Variants in KCNJ6 observed in about 807,000 individuals in gnomAD.
KCNJ6 encodes the protein potassium inwardly rectifying channel subfamily J member 6, also known as G protein-activated inward rectifier potassium channel 2.
A neutral mutation model predicts 34.2 loss-of-function variants in KCNJ6; 9 were observed. The observed-to-expected ratio is 0.26, with a 90% CI of 0.16 to 0.46. KCNJ6 has a LOEUF of 0.46. KCNJ6 is among the 20% of genes least tolerant of loss of function. The pLI is 1.00. For missense variants in KCNJ6, 236 were observed against 531.3 expected (o/e 0.44, Z 5.46); for synonymous variants, 196 against 207.1 (o/e 0.95, Z 0.46).
At chr21:37,860,095 G>A (rs1286041115) in intron 1 of KCNJ6, among the ~76,000 whole-genome samples, 1 of 152,112 alleles carries the variant, frequency 6.6e-6, no homozygotes, top group African/African-American at 2.4e-5. Context: ...CGGTGCAATG[G>A]CTATTTCCAT....
rs73408716 is a variant in KCNJ6, at chr21:37,733,807, G to C, written c.26-18676C>G. On this transcript the variant is annotated intron_variant, in intron 2 of 3. Coordinates refer to ENST00000609713, the MANE Select transcript of KCNJ6 (RefSeq NM_002240.5). The stretch of plus-strand genomic sequence containing the variant: ...ATGGTCACATACACGACTGTGTTTT[G>C]TGAGTGTTGCATTTCCCCAGGTTTC... 9.3e-3 allele frequency among the ~76,000 whole-genome samples: 1,417 copies of C among 152,294 alleles called. 15 individuals are homozygous for C. The highest frequency in any genetic ancestry group is 0.032 in the African/African-American group (1,340 of 41,550).
At chr21:37,647,291 C>T (rs1245559960) in intron 3 of KCNJ6, among the ~76,000 whole-genome samples, 1 of 151,952 alleles carries the variant, frequency 6.6e-6, no homozygotes, top group African/African-American at 2.4e-5. Flanking sequence ...CTAAGAGTGT[C>T]CTATTAGACA....
chr21:37,792,060 T>C (rs1163350458), intron 2 of KCNJ6, among the ~76,000 whole-genome samples: 1 of 152,232 alleles, frequency 6.6e-6, no homozygotes, highest in African/African-American at 2.4e-5. Flanking sequence ...AGCGGTCCAG[T>C]TGTAATGTGG....
At position 37,916,043 on chromosome 21, in the gene KCNJ6, A is replaced by C. The variant is rs2055892134; in HGVS notation, c.-187T>G. The C allele has an allele frequency of 1.3e-5, 2 of 152,356 alleles. No individual in the cohort carries two copies. The highest frequency in any genetic ancestry group is 4.8e-5 in the African/African-American group (2 of 41,456). The allele number at this position is 152,356 out of a possible 1,614,324, so 9.4% of individuals were successfully genotyped here. A position where few individuals can be genotyped will look rare whatever the true frequency, so the allele number is the denominator to read the frequency against. ...TCAGATGGTCAAATTTCACATCAGC[A>C]CCGAGAGGCTGTTAGGAGACTCCAT... is the stretch of plus-strand genomic sequence containing the variant. On this transcript the variant is annotated 5_prime_UTR_variant, in exon 1 of 4. Transcript: ENST00000609713.
chr21:37,774,683 C>G (rs2055133754), intron 2 of KCNJ6, among the ~76,000 whole-genome samples: 1 of 152,174 alleles, frequency 6.6e-6, no homozygotes, highest in South Asian at 2.1e-4. Context: ...ATGAACTCAT[C>G]ATGTGTTATG....
chr21:37,795,054 C>G (rs940608088), intron 2 of KCNJ6, among the ~76,000 whole-genome samples: 3 of 152,042 alleles, frequency 2.0e-5, no homozygotes, highest in Non-Finnish European at 2.9e-5. Flanking sequence ...AGTAGGTAAC[C>G]AAAAACTTAA....
intron 2 of KCNJ6, among the ~76,000 whole-genome samples, chr21:37,792,066 T>G (rs2055219419): frequency 6.6e-6 from 1 of 152,242 alleles, no homozygotes; most frequent in Non-Finnish European, 1.5e-5. Context: ...CCAGTTGTAA[T>G]GTGGTCTATT....
At chr21:37,646,473 C>A (rs1039392368) in intron 3 of KCNJ6, among the ~76,000 whole-genome samples, 2 of 152,070 alleles carry the variant, frequency 1.3e-5, no homozygotes, top group Non-Finnish European at 2.9e-5. Context: ...TAAAGACGAG[C>A]GGGAGCTGAG....
chr21:37,839,669 T>G (rs2055469120), intron 2 of KCNJ6, among the ~76,000 whole-genome samples: 2 of 152,198 alleles, frequency 1.3e-5, no homozygotes, highest in Non-Finnish European at 2.9e-5. Context: ...CAGGAGAAAT[T>G]TCCATTTTTC....
chr21:37,796,834 C>T (rs1300222386), intron 2 of KCNJ6, among the ~76,000 whole-genome samples: 5 of 132,986 alleles, frequency 3.8e-5, no homozygotes, highest in East Asian at 2.2e-4. Context: ...TCGCCCAGGC[C>T]GGACTGCGGA....
chr21:37,644,299 A>C (rs948233063), intron 3 of KCNJ6, among the ~76,000 whole-genome samples: 1 of 152,154 alleles, frequency 6.6e-6, no homozygotes, highest in Non-Finnish European at 1.5e-5. Context: ...TGGCTAATAA[A>C]ATAAGCTGTA....
intron 1 of KCNJ6, among the ~76,000 whole-genome samples, chr21:37,883,845 A>C (rs2055721901): frequency 6.6e-6 from 1 of 152,146 alleles, no homozygotes; most frequent in African/African-American, 2.4e-5. Context: ...GGTAGGTATA[A>C]ACCTTTAATG....
chr21:37,637,094 T>G (rs1271031451), intron 3 of KCNJ6, among the ~76,000 whole-genome samples: 1 of 152,240 alleles, frequency 6.6e-6, no homozygotes, highest in African/African-American at 2.4e-5. Flanking sequence ...GCTGAATCAG[T>G]GCAGTAATAA....
chr21:37,752,243 A>T (rs2054999648), intron 2 of KCNJ6, among the ~76,000 whole-genome samples: 1 of 152,180 alleles, frequency 6.6e-6, no homozygotes, highest in South Asian at 2.1e-4. Flanking sequence ...TTCCAGGATC[A>T]GTTGCCTTGA....
At chr21:37,827,040 CA>C (rs1177127941) in intron 2 of KCNJ6, among the ~76,000 whole-genome samples, 1 of 152,160 alleles carries the variant, frequency 6.6e-6, no homozygotes, top group Admixed American at 6.5e-5. Context: ...AGAGTCAGGG[CA>C]CAGTGGCCTC....
chr21:37,790,485 A>G (rs527328528), intron 2 of KCNJ6, among the ~76,000 whole-genome samples: 19 of 152,302 alleles, frequency 1.2e-4, no homozygotes, highest in African/African-American at 4.6e-4. Flanking sequence ...CCTATGTTCC[A>G]GGCACCATTA....
chr21:37,814,004 T>C (rs1220178077), intron 2 of KCNJ6, among the ~76,000 whole-genome samples: 1 of 152,152 alleles, frequency 6.6e-6, no homozygotes, highest in African/African-American at 2.4e-5. Context: ...AAACTACCCA[T>C]CTGACAAGGG....
chr21:37,834,788 C>G (rs2055443749), intron 2 of KCNJ6, among the ~76,000 whole-genome samples: 1 of 152,242 alleles, frequency 6.6e-6, no homozygotes, highest in South Asian at 2.1e-4. Flanking sequence ...TCAAAGCAGA[C>G]AGCCAAGACC....
chr21:37,715,276 A>G, intron 2 of KCNJ6, 145 bp from the exon 3 acceptor site: 1 of 698,754 alleles, frequency 1.4e-6, no homozygotes, highest in South Asian at 1.9e-5. Context: ...TTTTTATTCC[A>G]CACCATCTGG....
Sources: gnomAD v4.1 joint callset for allele counts (sites outside exome capture counted in the v4.1 genomes callset) on GRCh38, gnomAD v4.1.1 for gene constraint, MANE v1.5 for transcripts, NCBI Gene and HGNC (gene_info 2026-07-23, HGNC 2026-07-21) for gene names.